ELMO1: variants seen among roughly 807,000 people sequenced by gnomAD.
ELMO1 encodes engulfment and cell motility protein 1.
A neutral mutation model predicts 98.9 loss-of-function variants in ELMO1; 26 were observed. The ratio of observed to expected loss-of-function variants is 0.26; its 90% confidence interval spans 0.19 to 0.36. The LOEUF (loss-of-function observed/expected upper bound fraction) is 0.36. Among genes scored for constraint, ELMO1 ranks in the 10% least tolerant of loss-of-function variants. The pLI is 1.00. For missense variants in ELMO1, 627 were observed against 935.2 expected (o/e 0.67, Z 4.30); for synonymous variants, 346 against 346.0 (o/e 1.00, Z 0.00).
chr7:37,100,122 A>G (rs1395506880), intron 14 of ELMO1, among the ~76,000 whole-genome samples: 1 of 152,154 alleles, frequency 6.6e-6, no homozygotes, highest in Middle Eastern at 3.2e-3. Flanking sequence ...TAGTTTACAA[A>G]TTGGCTTCAC....
intron 15 of ELMO1, among the ~76,000 whole-genome samples, chr7:37,071,683 G>C (rs1465593572): frequency 6.6e-6 from 1 of 151,704 alleles, no homozygotes; most frequent in Non-Finnish European, 1.5e-5. Context: ...CCTTTATTTG[G>C]TGTAACTTGA....
At chr7:36,933,567 G>A (rs1786238610) in intron 16 of ELMO1, among the ~76,000 whole-genome samples, 1 of 152,172 alleles carries the variant, frequency 6.6e-6, no homozygotes, top group African/African-American at 2.4e-5. Context: ...GTGGGGTGCT[G>A]GGAGGACAGA....
intron 1 of ELMO1, among the ~76,000 whole-genome samples, chr7:37,369,288 T>G (rs377106250): frequency 1.3e-5 from 2 of 152,180 alleles, no homozygotes; most frequent in South Asian, 4.1e-4. Context: ...TTTCAGATTC[T>G]TTCAGGTTTT....
At chr7:37,434,262 GAAAGA>G (rs889627497) in intron 1 of ELMO1, among the ~76,000 whole-genome samples, 3 of 152,138 alleles carry the variant, frequency 2.0e-5, no homozygotes, top group East Asian at 1.9e-4. Flanking sequence ...GATGCTTCTT[GAAAGA>G]AAAGAAAAGT....
At chr7:36,927,919 G>A (rs1785712124) in intron 16 of ELMO1, among the ~76,000 whole-genome samples, 1 of 152,154 alleles carries the variant, frequency 6.6e-6, no homozygotes, top group African/African-American at 2.4e-5. Flanking sequence ...GTAAATAGGT[G>A]ATTGATCTCA....
intron 8 of ELMO1, among the ~76,000 whole-genome samples, chr7:37,228,043 C>A (rs961996669): frequency 6.6e-6 from 1 of 152,226 alleles, no homozygotes; most frequent in Non-Finnish European, 1.5e-5. Context: ...CATTACAGTC[C>A]TATGTACAAG....
At chr7:37,182,585 C>T (rs1454512171) in intron 13 of ELMO1, among the ~76,000 whole-genome samples, 2 of 151,384 alleles carry the variant, frequency 1.3e-5, no homozygotes, top group African/African-American at 2.4e-5. Context: ...CTCCCTCCCC[C>T]TCCTCTCTCT....
At chr7:37,413,624 C>A (rs61430904) in intron 1 of ELMO1, among the ~76,000 whole-genome samples, 1 of 152,090 alleles carries the variant, frequency 6.6e-6, no homozygotes, top group East Asian at 1.9e-4. Context: ...TTTTTCTTGC[C>A]ATCTAAAGTT....
chr7:37,373,008 G>A (rs1426032285), intron 1 of ELMO1, among the ~76,000 whole-genome samples: 1 of 152,208 alleles, frequency 6.6e-6, no homozygotes, highest in Admixed American at 6.5e-5. Context: ...AGCTGGTACG[G>A]AAGTGGCACC....
intron 15 of ELMO1, among the ~76,000 whole-genome samples, chr7:37,039,724 C>G (rs1562915491): frequency 6.6e-6 from 1 of 152,186 alleles, no homozygotes; most frequent in Non-Finnish European, 1.5e-5. Flanking sequence ...ATTCCTCTTC[C>G]TAGCTATCGA....
rs572354472 is a variant in ELMO1 at position 37,132,623 on chromosome 7, C to A, written c.1191+507G>T. 1.2e-4 allele frequency among the ~76,000 whole-genome samples: 19 copies of A among 152,302 alleles called. No individual in the cohort carries two copies. The South Asian group carries it at 3.9e-3, about 32-fold the overall frequency. On this transcript the variant is annotated intron_variant, in intron 14 of 21. Transcript: ENST00000310758. ...TTCCATTTCACAGAGAAAATAGAGT[C>A]CCCCACTTCCTTCTGCTCCACCCAC...
chr7:37,017,019 G>C (rs1006172394), intron 15 of ELMO1, among the ~76,000 whole-genome samples: 2 of 152,174 alleles, frequency 1.3e-5, no homozygotes, highest in African/African-American at 4.8e-5. Context: ...AACCTTACAA[G>C]AGGCACAGCT....
At chr7:37,253,919 C>G (rs1353641587) in intron 6 of ELMO1, among the ~76,000 whole-genome samples, 2 of 152,102 alleles carry the variant, frequency 1.3e-5, no homozygotes, top group Non-Finnish European at 2.9e-5. Context: ...TGACTAAATG[C>G]CTTCCAAATT....
intron 1 of ELMO1, among the ~76,000 whole-genome samples, chr7:37,415,180 C>G (rs1459417289): frequency 1.3e-5 from 2 of 152,190 alleles, no homozygotes; most frequent in Non-Finnish European, 2.9e-5. Flanking sequence ...AATCTGGAGC[C>G]TTGTTGGAAT....
chr7:37,177,230 T>C lies in ELMO1; in HGVS notation c.1086+34156A>G, dbSNP rs565651200. Among the ~76,000 whole-genome samples the C allele has an allele frequency of 2.0e-5, 3 of 152,366 alleles. No homozygotes were observed. In the East Asian group the frequency reaches 5.8e-4, roughly 29 times the overall value. ...TTTCTGTGCCCTGTCAAGAAAACTT[T>C]CTGCTATGAGTGGCTTGTAAAACTC... On this transcript the variant is annotated intron_variant, in intron 13 of 21. Transcript: ENST00000310758.
At chr7:37,419,039 C>G (rs536248991) in intron 1 of ELMO1, among the ~76,000 whole-genome samples, 32 of 152,076 alleles carry the variant, frequency 2.1e-4, no homozygotes, top group African/African-American at 7.7e-4. Context: ...ACTCCTACCC[C>G]CCAGGACTGA....
chr7:37,163,876 T>C (rs1326518139), intron 13 of ELMO1, among the ~76,000 whole-genome samples: 2 of 152,352 alleles, frequency 1.3e-5, no homozygotes, highest in South Asian at 4.1e-4. Context: ...CTGGGTTAAA[T>C]GGTATTTCTA....
intron 15 of ELMO1, among the ~76,000 whole-genome samples, chr7:37,029,733 C>G (rs570900538): frequency 1.3e-5 from 2 of 152,278 alleles, no homozygotes; most frequent in South Asian, 4.1e-4. Flanking sequence ...TCCACAGCAT[C>G]GTAAGCTAAT....
At position 37,000,754 on chromosome 7, in the gene ELMO1, G is replaced by A. The variant is rs117524972; in HGVS notation, c.1437+12545C>T. ...GAAGGTCTCTCGGCAGCCATCCTGG[G>A]AAAGAACAAGCGCCATTACTGATGT... On this transcript the variant is annotated intron_variant, in intron 16 of 21. Coordinates refer to ENST00000310758, the MANE Select transcript of ELMO1 (RefSeq NM_014800.11). Among the ~76,000 whole-genome samples the A allele has an allele frequency of 2.4e-4, 37 of 152,182 alleles. No individual in the cohort carries two copies. The East Asian group carries it at 7.2e-3, about 29-fold the overall frequency.
Sources: allele counts gnomAD v4.1 joint callset (sites outside exome capture counted in the v4.1 genomes callset), GRCh38; gene constraint gnomAD v4.1.1; transcripts MANE v1.5; gene names NCBI Gene and HGNC (gene_info 2026-07-23, HGNC 2026-07-21).